Variants in NRIP1 observed in about 807,000 individuals in gnomAD.
NRIP1 encodes nuclear receptor interacting protein 1, also known as nuclear receptor-interacting protein 1.
In NRIP1, 28 loss-of-function variants were observed where a neutral mutation model predicts 75.0. The ratio of observed to expected loss-of-function variants is 0.37; its 90% confidence interval spans 0.28 to 0.51. The LOEUF (loss-of-function observed/expected upper bound fraction) is 0.51, where lower values mean the gene tolerates loss of function less well. NRIP1 is among the 20% of genes least tolerant of loss of function. The pLI, the probability that NRIP1 is intolerant of heterozygous loss-of-function variation, is 0.92. For missense variants in NRIP1, 1,435 were observed against 1,343.7 expected (o/e 1.07, Z -1.06); for synonymous variants, 526 against 487.6 (o/e 1.08, Z -1.04).
In NRIP1 at chr21:14,965,001, G is replaced by A; in HGVS notation, c.3192C>T (p.Thr1064=). The A allele has an allele frequency of 1.2e-6, 2 of 1,613,946 alleles. No homozygotes were observed. Among genetic ancestry groups the A allele is most frequent in the Non-Finnish European group, 1.7e-6 (2 of 1,179,902 alleles). Reference sequence around the variant, plus strand: ...GAAGCATGTAATATAGTATTGGGTTGGTTTTGGTCAATCTTGGAGAGTCTT... The same window carrying A: ...GAAGCATGTAATATAGTATTGGGTTAGTTTTGGTCAATCTTGGAGAGTCTT... ...YEKDSPRLTK[T]NPILYYMLQK... Residue 1064 remains threonine, a synonymous_variant, in exon 4 of 4, where the codon ACC becomes ACT. Coordinates refer to ENST00000318948, the MANE Select transcript of NRIP1 (RefSeq NM_003489.4).
At position 14,967,182 on chromosome 21, in the gene NRIP1, C is replaced by T. The variant is rs954999465; in HGVS notation, c.1011G>A (p.Met337Ile). The stretch of plus-strand genomic sequence containing the variant: ...ACACTGTAGCACTACTTTTGCTAGC[C>T]ATCAGTTTGCTTGATGATGTTCTTG... ...GQARTSSSKL[M>I]ASKSSATVFQ... Residue 337 changes from methionine (M) to isoleucine (I), a missense_variant, in exon 4 of 4, where the codon ATG becomes ATA. Transcript: ENST00000318948. 8 of 1,614,048 alleles carry T rather than the reference C, an allele frequency of 5.0e-6. No homozygotes were observed. Among genetic ancestry groups the T allele is most frequent in the Admixed American group, 1.7e-5 (1 of 59,994 alleles).
chr21:15,008,341 C>T (rs2088022638), intron 3 of NRIP1, among the ~76,000 whole-genome samples: 1 of 151,872 alleles, frequency 6.6e-6, no homozygotes, highest in Admixed American at 6.6e-5. Context: ...AACACATCAA[C>T]TTCATTTTGT....
chr21:15,021,798 C>T (rs1232764228), intron 2 of NRIP1, among the ~76,000 whole-genome samples: 1 of 152,142 alleles, frequency 6.6e-6, no homozygotes, highest in Non-Finnish European at 1.5e-5. Context: ...AAAAGCTCAA[C>T]ATCACTGATC....
chr21:14,970,682 G>C (rs548783717), intron 3 of NRIP1, among the ~76,000 whole-genome samples: 1 of 151,982 alleles, frequency 6.6e-6, no homozygotes, highest in Non-Finnish European at 1.5e-5. Flanking sequence ...TTTGCTCTTG[G>C]GTAGACTCAA....
At chr21:15,060,312 A>T (rs2089397247) in intron 1 of NRIP1, among the ~76,000 whole-genome samples, 2 of 152,212 alleles carry the variant, frequency 1.3e-5, no homozygotes, top group African/African-American at 4.8e-5. Context: ...AAGAAAAAAC[A>T]ACAGATGGGC....
At chr21:14,995,957 T>C (rs2087711088) in intron 3 of NRIP1, among the ~76,000 whole-genome samples, 1 of 152,208 alleles carries the variant, frequency 6.6e-6, no homozygotes, top group South Asian at 2.1e-4. Context: ...CTGCATCAAC[T>C]GGCTCCAGTG....
At position 15,014,375 on chromosome 21, in the gene NRIP1, C is replaced by T. The variant is rs2088177050; in HGVS notation, c.-366G>A. ...TCTCCAAGCTCTGAGCCTCTGCTTTCTGAGAAAGAAAATTGAGAAGGCTGT... is the reference window on the plus strand; with the variant it reads ...TCTCCAAGCTCTGAGCCTCTGCTTTTTGAGAAAGAAAATTGAGAAGGCTGT... On this transcript the variant is annotated 5_prime_UTR_variant, in exon 3 of 4. Transcript: ENST00000318948. The T allele has an allele frequency of 2.5e-6, 1 of 398,264 alleles. No homozygotes were observed. 24.7% of individuals were successfully genotyped at this position (398,264 alleles called of 1,614,324 possible).
intron 3 of NRIP1, among the ~76,000 whole-genome samples, chr21:15,004,331 T>C (rs149284849): frequency 6.6e-6 from 1 of 152,336 alleles, no homozygotes; most frequent in Admixed American, 6.5e-5. Flanking sequence ...TATCATAATG[T>C]TGAAGGTAAC....
intron 1 of NRIP1, among the ~76,000 whole-genome samples, chr21:15,056,010 G>A (rs2089298165): frequency 6.6e-6 from 1 of 151,862 alleles, no homozygotes; most frequent in Non-Finnish European, 1.5e-5. Context: ...AATAAAGAAG[G>A]AAACCCAAAA....
In NRIP1 at chr21:15,014,337, TTCTCACCGTCTG is replaced by T. The variant is rs2147174393; in HGVS notation, c.-340_-335+6del. On this transcript the variant is annotated splice_donor_variant and splice_donor_5th_base_variant and 5_prime_UTR_variant and intron_variant, in exon 3 of 4. Coordinates refer to ENST00000318948, the MANE Select transcript of NRIP1 (RefSeq NM_003489.4). LOFTEE classifies it low-confidence loss of function (5UTR_SPLICE). Reference sequence around the variant, plus strand: ...GCCTTAAGAACTCAGGAAAAAAATATTCTCACCGTCTGTCTCCAAGCTCTGAGCCTCTGCTTT... The same window carrying T: ...GCCTTAAGAACTCAGGAAAAAAATATTCTCCAAGCTCTGAGCCTCTGCTTT... 2.5e-6 allele frequency: 1 copy of T among 397,582 alleles called. No individual in the cohort carries two copies. The highest frequency in any genetic ancestry group is 1.3e-4 in the South Asian group (1 of 7,696). 24.6% of individuals were successfully genotyped at this position (397,582 alleles called of 1,614,324 possible).
intron 3 of NRIP1, among the ~76,000 whole-genome samples, chr21:14,977,995 G>A (rs998810068): frequency 6.6e-6 from 1 of 152,188 alleles, no homozygotes; most frequent in Admixed American, 6.5e-5. Context: ...GACGAAAACA[G>A]CTGCCCAGGC....
In NRIP1 at chr21:14,968,125, C is replaced by A. The variant is rs750663383; in HGVS notation, c.68G>T (p.Gly23Val). ...QDSIVLTYLE[G>V]LLMHQAAGGS... Reference sequence around the variant, plus strand: ...CCCTGCTGCCTGATGCATTAGTAATCCTTCTAGGTAAGTTAAAACAATAGA... The same window carrying A: ...CCCTGCTGCCTGATGCATTAGTAATACTTCTAGGTAAGTTAAAACAATAGA... Residue 23 changes from glycine (G) to valine (V), a missense_variant, in exon 4 of 4, where the codon GGA (glycine) becomes GTA (valine). Gly to Val is a moderately radical substitution (Grantham distance 109, BLOSUM62 -3). Coordinates refer to ENST00000318948, the MANE Select transcript of NRIP1 (RefSeq NM_003489.4). 6 of 1,613,876 alleles carry A rather than the reference C, an allele frequency of 3.7e-6. No homozygotes were observed. The Admixed American group carries it at 8.3e-5, about 22-fold the overall frequency.
At chr21:15,010,348 T>C (rs1241037963) in intron 3 of NRIP1, among the ~76,000 whole-genome samples, 1 of 151,862 alleles carries the variant, frequency 6.6e-6, no homozygotes, top group African/African-American at 2.4e-5. Context: ...CTTTTAAAAT[T>C]ATTTTGATTC....
intron 3 of NRIP1, among the ~76,000 whole-genome samples, chr21:14,983,779 A>C (rs2147031022): frequency 6.6e-6 from 1 of 152,314 alleles, no homozygotes; most frequent in South Asian, 2.1e-4. Context: ...AATGACGATA[A>C]ATCTACTCTG....
intron 2 of NRIP1, among the ~76,000 whole-genome samples, 171 bp from the exon 3 acceptor site, chr21:15,014,637 G>T (rs2088182496): frequency 6.6e-6 from 1 of 152,132 alleles, no homozygotes. Context: ...TTAACAGAAA[G>T]CAATAGATCT....
At chr21:14,984,201 T>C (rs2087325844) in intron 3 of NRIP1, among the ~76,000 whole-genome samples, 2 of 152,128 alleles carry the variant, frequency 1.3e-5, no homozygotes, top group Non-Finnish European at 2.9e-5. Context: ...AGGTCAAATA[T>C]CAACATTTGC....
In NRIP1 at chr21:14,968,050, T is replaced by G. The variant is rs375685017; in HGVS notation, c.143A>C (p.Asp48Ala). The stretch of plus-strand genomic sequence containing the variant: ...ACTGCCAGAAATGTTAAAGTTCTGA[T>G]CCTCTTCATTATGCCCAGCAGACTT... ...DKKSAGHNEE[D>A]QNFNISGSAF... Residue 48 changes from aspartate (D) to alanine (A), a missense_variant, in exon 4 of 4, where the codon GAT becomes GCT. By Grantham distance (126) the Asp-to-Ala change is moderately radical. Coordinates refer to ENST00000318948, the MANE Select transcript of NRIP1 (RefSeq NM_003489.4). 17 of 1,614,114 alleles carry G rather than the reference T, an allele frequency of 1.1e-5. No homozygotes were observed. Among genetic ancestry groups the G allele is most frequent in the Non-Finnish European group, 1.4e-5 (17 of 1,180,020 alleles).
rs1220938146 is a variant in NRIP1 at position 14,965,395 on chromosome 21, A to C, written c.2798T>G (p.Phe933Cys). Residue 933 changes from phenylalanine (F) to cysteine (C), a missense_variant, in exon 4 of 4, where the codon TTT becomes TGT. By Grantham distance (205) the Phe-to-Cys change is radical. Transcript: ENST00000318948. The stretch of plus-strand genomic sequence containing the variant: ...GAGAAGCAGCTGTTTCAGAACATTA[A>C]AGCTTTTGCTCTCTCTGGCCCAACT... ...HRSWARESKSFNVLKQLLLSE... is the reference protein window; with the variant it reads ...HRSWARESKSCNVLKQLLLSE... The C allele has an allele frequency of 6.2e-6, 10 of 1,613,986 alleles. No homozygotes were observed. The highest frequency in any genetic ancestry group is 8.5e-6 in the Non-Finnish European group (10 of 1,179,926).
chr21:15,022,584 T>C (rs1473688824), intron 2 of NRIP1, among the ~76,000 whole-genome samples: 2 of 152,214 alleles, frequency 1.3e-5, no homozygotes, highest in Non-Finnish European at 2.9e-5. Flanking sequence ...TAAAATACAC[T>C]GCCACTTCTC....
Sources: allele counts gnomAD v4.1 joint callset (sites outside exome capture counted in the v4.1 genomes callset), GRCh38; gene constraint gnomAD v4.1.1; transcripts MANE v1.5; gene names NCBI Gene and HGNC (gene_info 2026-07-23, HGNC 2026-07-21).